STK4: variants seen among roughly 807,000 people sequenced by gnomAD.
STK4 encodes serine/threonine kinase 4.
STK4 carries 30 observed loss-of-function variants against 64.9 expected under a neutral mutation model. That is an observed-to-expected ratio of 0.46 (90% CI 0.35 to 0.63). The LOEUF is 0.63. Among genes scored for constraint, STK4 ranks in the 20% least tolerant of loss-of-function variants. The pLI is 0.01. For synonymous variants in STK4, 177 were observed against 199.0 expected, an observed-to-expected ratio of 0.89 and a Z score of 0.93; for missense variants, 466 against 598.5, an observed-to-expected ratio of 0.78 and a Z score of 2.31.
intron 10 of STK4, among the ~76,000 whole-genome samples, chr20:45,052,808 T>G (rs1978294638): frequency 6.6e-6 from 1 of 152,204 alleles, no homozygotes. Context: ...GAAAGATGAA[T>G]GGAGACTATG....
At chr20:44,982,880 A>G (rs1394044167) in intron 4 of STK4, among the ~76,000 whole-genome samples, 1 of 148,552 alleles carries the variant, frequency 6.7e-6, no homozygotes, top group Non-Finnish European at 1.5e-5. Context: ...TAGAAAAGAT[A>G]TAATAATGAT....
chr20:45,000,670 C>A, intron 8 of STK4, 150 bp downstream of exon 8: 1 of 1,137,770 alleles, frequency 8.8e-7, no homozygotes, highest in Non-Finnish European at 1.2e-6. Flanking sequence ...TCAACGCATG[C>A]TAGAGGGTTG....
chr20:44,995,604 TC>T (rs2067714510), intron 6 of STK4, among the ~76,000 whole-genome samples: 2 of 31,914 alleles, frequency 6.3e-5, no homozygotes, highest in African/African-American at 1.4e-4. Flanking sequence ...AGACTCCATC[TC>T]AAAAAAAAAA....
chr20:45,020,439 C>CGTGTGTGTGTGT (rs60999826), intron 9 of STK4, among the ~76,000 whole-genome samples: 1 of 145,202 alleles, frequency 6.9e-6, no homozygotes, highest in African/African-American at 2.6e-5. Context: ...TATGTTTATG[C>CGTGTGTGTGTGT]GTGTGTGTGT....
chr20:45,033,915 G>A (rs1347110453), intron 10 of STK4, among the ~76,000 whole-genome samples: 2 of 152,000 alleles, frequency 1.3e-5, no homozygotes, highest in Non-Finnish European at 2.9e-5. Flanking sequence ...ATCAGGCCAC[G>A]TTACCTGACT....
Position 45,079,141 on chromosome 20 carries a change from G to A in STK4, c.*3965G>A, listed in dbSNP as rs1480173648. On this transcript the variant is annotated 3_prime_UTR_variant, in exon 11 of 11. Coordinates refer to ENST00000372806, the MANE Select transcript of STK4 (RefSeq NM_006282.5). ...GAAGTGGGAGGATCACCTGAGCCCA[G>A]GGAGGTCAAGGATGCAGTGAGCCAT... is the stretch of plus-strand genomic sequence containing the variant. 2 of 152,106 alleles carry A rather than the reference G, an allele frequency of 1.3e-5. No individual in the cohort carries two copies. Among genetic ancestry groups the A allele is most frequent in the Non-Finnish European group, 2.9e-5 (2 of 68,028 alleles). The allele number at this position is 152,106 out of a possible 1,614,324, so 9.4% of individuals were successfully genotyped here. A position where few individuals can be genotyped will look rare whatever the true frequency, so the allele number is the denominator to read the frequency against.
intron 5 of STK4, among the ~76,000 whole-genome samples, chr20:44,992,884 C>T (rs538172143): frequency 6.6e-6 from 1 of 151,778 alleles, no homozygotes; most frequent in Non-Finnish European, 1.5e-5. Flanking sequence ...TTAGTAGAGA[C>T]GGGATTTCGC....
rs869113711 is a variant in STK4 at position 45,011,729 on chromosome 20, A to ATT, written c.1147+10392_1147+10393dup. 6.9e-5 allele frequency among the ~76,000 whole-genome samples: 8 copies of ATT among 115,388 alleles called. 1 individual carries two copies. Among genetic ancestry groups the ATT allele is most frequent in the African/African-American group, 1.5e-4 (4 of 27,486 alleles). 75.7% of individuals were successfully genotyped at this position (115,388 alleles called of 152,430 possible). A position where few individuals can be genotyped will look rare whatever the true frequency, so the allele number is the denominator to read the frequency against. Reference sequence around the variant, plus strand: ...CATACATATATATATATATATATATATTTTTTTTTTTTTTTTTAAGTCAAG... The same window carrying ATT: ...CATACATATATATATATATATATATATTTTTTTTTTTTTTTTTTTAAGTCAAG... On this transcript the variant is annotated intron_variant, in intron 9 of 10. Transcript: ENST00000372806.
At chr20:45,053,885 G>A (rs1978309229) in intron 10 of STK4, among the ~76,000 whole-genome samples, 1 of 152,004 alleles carries the variant, frequency 6.6e-6, no homozygotes, top group Non-Finnish European at 1.5e-5. Flanking sequence ...TGTGTGTAAA[G>A]ATAGTAGTTT....
intron 10 of STK4, among the ~76,000 whole-genome samples, chr20:45,047,420 C>G (rs2068713525): frequency 6.6e-6 from 1 of 152,198 alleles, no homozygotes. Flanking sequence ...AATTCAGATG[C>G]TGCATCTTTT....
At chr20:45,020,596 G>T (rs2068229656) in intron 9 of STK4, among the ~76,000 whole-genome samples, 2 of 152,024 alleles carry the variant, frequency 1.3e-5, no homozygotes, top group Non-Finnish European at 2.9e-5. Context: ...TATTTAACTT[G>T]ATTCATGATT....
intron 5 of STK4, among the ~76,000 whole-genome samples, chr20:44,987,967 G>T (rs2067559918): frequency 6.8e-6 from 1 of 147,816 alleles, no homozygotes; most frequent in Non-Finnish European, 1.5e-5. Context: ...GTTATGTACG[G>T]TTTTTTTTTT....
In STK4 at chr20:44,981,884, G is replaced by A. The variant is rs375543946; in HGVS notation, c.301G>A (p.Val101Ile). 2.0e-5 allele frequency: 32 copies of A among 1,613,850 alleles called. No homozygotes were observed. The highest frequency in any genetic ancestry group is 1.3e-4 in the East Asian group (6 of 44,868). Residue 101 changes from valine to isoleucine, a missense_variant, in exon 4 of 11, where the codon GTT becomes ATT. Physicochemically the swap from Val to Ile is conservative, Grantham distance 29. This residue lies in a region of STK4 where 190 missense variants were observed against 289.7 expected (regional missense o/e 0.66). Transcript: ENST00000372806. ...TTTTAAGAACACAGACTTATGGATC[G>A]TTATGGAGTACTGTGGGGCTGGTTC... ...SYFKNTDLWI[V>I]MEYCGAGSVS... is the part of the protein sequence containing the mutation.
chr20:45,073,253 A>AG (rs1284520061), intron 10 of STK4, among the ~76,000 whole-genome samples: 3 of 152,164 alleles, frequency 2.0e-5, no homozygotes, highest in Non-Finnish European at 2.9e-5. Context: ...CAGGCTGGAA[A>AG]GATGCATTTT....
At chr20:45,053,176 A>G in intron 10 of STK4, 3 of 1,610,528 alleles carry the variant, frequency 1.9e-6, no homozygotes, top group Non-Finnish European at 2.5e-6. Context: ...CTGAGAAACC[A>G]CATGGTAAAT....
chr20:44,978,524 C>T lies in STK4; in HGVS notation c.198C>T (p.Asp66=). 6.2e-7 allele frequency: 1 copy of T among 1,614,100 alleles called. No individual in the cohort carries two copies. The highest frequency in any genetic ancestry group is 8.5e-7 in the Non-Finnish European group (1 of 1,180,002). The part of the protein sequence containing the change: ...VAIKQVPVES[D]LQEIIKEISI... ...TTAAGCAAGTTCCTGTGGAATCAGA[C>T]CTCCAGGAGATAATCAAAGAAATCT... Residue 66 remains aspartate, a synonymous_variant, in exon 3 of 11, where the codon GAC becomes GAT. Transcript: ENST00000372806.
chr20:45,016,196 A>G (rs934164195), intron 9 of STK4, among the ~76,000 whole-genome samples: 4 of 152,212 alleles, frequency 2.6e-5, no homozygotes, highest in African/African-American at 9.6e-5. Flanking sequence ...AAGATGATAC[A>G]TGTTTTGAGA....
intron 9 of STK4, among the ~76,000 whole-genome samples, chr20:45,005,033 AG>A (rs2067913244): frequency 6.6e-6 from 1 of 151,592 alleles, no homozygotes; most frequent in South Asian, 2.1e-4. Context: ...GGCCTCCCAA[AG>A]TGCTGGGATT....
At chr20:45,054,974 C>T (rs1488943014) in intron 10 of STK4, among the ~76,000 whole-genome samples, 1 of 152,074 alleles carries the variant, frequency 6.6e-6, no homozygotes. Flanking sequence ...TAGGACTACC[C>T]TTGGTATTCA....
Sources: allele counts gnomAD v4.1 joint callset (sites outside exome capture counted in the v4.1 genomes callset), GRCh38; gene constraint gnomAD v4.1.1; regional missense constraint gnomAD v4.1.1; transcripts MANE v1.5; gene names NCBI Gene and HGNC (gene_info 2026-07-23, HGNC 2026-07-21).